Variants in PXK observed in about 807,000 individuals in gnomAD.
The protein encoded by PXK is PX domain-containing protein kinase-like protein.
In PXK, 35 loss-of-function variants were observed where a neutral mutation model predicts 84.7. That is an observed-to-expected ratio of 0.41 (90% CI 0.32 to 0.55). PXK has a LOEUF of 0.55. Ranked by LOEUF, PXK falls within the 20% of genes least tolerant of loss-of-function variation. The pLI, the probability that PXK is intolerant of heterozygous loss-of-function variation, is 0.21. For missense variants in PXK, 634 were observed against 699.7 expected, an observed-to-expected ratio of 0.91 and a Z score of 1.06; for synonymous variants, 253 against 260.8, an observed-to-expected ratio of 0.97 and a Z score of 0.29.
chr3:58,407,706 A>G lies in PXK; in HGVS notation c.1231-1218A>G, dbSNP rs1448923383. Among the ~76,000 whole-genome samples the G allele has an allele frequency of 6.6e-6, 1 of 151,956 alleles. No individual in the cohort carries two copies. Among genetic ancestry groups the G allele is most frequent in the Non-Finnish European group, 1.5e-5 (1 of 67,970 alleles). On this transcript the variant is annotated intron_variant, in intron 13 of 17. Coordinates refer to ENST00000356151, the MANE Select transcript of PXK (RefSeq NM_017771.5). This position sits in a 1 kb window ranked among gnomAD's most constrained non-coding sequence, Gnocchi z 4.3. ...CCTCCCAAGTAGATTACAGGCGTGC[A>G]CCACCACACCTGGCTAATTTTTGTA...
In PXK at chr3:58,378,492, C is replaced by CTT. The variant is rs1159247642; in HGVS notation, c.202-4002_202-4001dup. Among the ~76,000 whole-genome samples, 83 of 24,314 alleles carry CTT rather than the reference C, an allele frequency of 3.4e-3. 10 individuals are homozygous for CTT. The highest frequency in any genetic ancestry group is 5.3e-3 in the African/African-American group (38 of 7,142). 16.0% of individuals were successfully genotyped at this position (24,314 alleles called of 152,430 possible). On this transcript the variant is annotated intron_variant, in intron 3 of 17. Coordinates refer to ENST00000356151, the MANE Select transcript of PXK (RefSeq NM_017771.5). ...ATTGGATTTGGACTTCATTTTTCTT[C>CTT]TTTTTTTTTTTTTTTTTTTTTGTGT...
At position 58,383,325 on chromosome 3, in the gene PXK, T is replaced by C. The variant is rs1387867893; in HGVS notation, c.388+625T>C. 6.6e-6 allele frequency among the ~76,000 whole-genome samples: 1 copy of C among 152,136 alleles called. No individual in the cohort carries two copies. On this transcript the variant is annotated intron_variant, in intron 4 of 17. Transcript: ENST00000356151. This position sits in a 1 kb window ranked among gnomAD's most constrained non-coding sequence, Gnocchi z 4.0. ...AATAATAATAATAATTAATCCACAA[T>C]AACGCATACAGTAATTTTTATATTA...
At chr3:58,362,038 G>C (rs2098196402) in intron 1 of PXK, among the ~76,000 whole-genome samples, 1 of 152,156 alleles carries the variant, frequency 6.6e-6, no homozygotes, top group Non-Finnish European at 1.5e-5. Context: ...AAGCCATTCT[G>C]ATAGGTGTAT....
At position 58,370,844 on chromosome 3, in the gene PXK, C is replaced by A. The variant is rs2098358218; in HGVS notation, c.201+1366C>A. 6.6e-6 allele frequency among the ~76,000 whole-genome samples: 1 copy of A among 151,294 alleles called. No homozygotes were observed. The highest frequency in any genetic ancestry group is 1.5e-5 in the Non-Finnish European group (1 of 67,692). Reference sequence around the variant, plus strand: ...CGAAACCCTGTCTCTACTAAAAATACAAAAATTAGCTGGGTGTGGTGTGGG... The same window carrying A: ...CGAAACCCTGTCTCTACTAAAAATAAAAAAATTAGCTGGGTGTGGTGTGGG... On this transcript the variant is annotated intron_variant, in intron 3 of 17. Transcript: ENST00000356151. This position sits in a 1 kb window ranked among gnomAD's most constrained non-coding sequence, Gnocchi z 4.2.
At position 58,366,196 on chromosome 3, in the gene PXK, C is replaced by A. The variant is rs564641587; in HGVS notation, c.153+272C>A. Reference sequence around the variant, plus strand: ...CTCAACCCAGGGCAAATAGTGTATGCAAATTACTTGTTTTCTTTCTAGAAA... The same window carrying A: ...CTCAACCCAGGGCAAATAGTGTATGAAAATTACTTGTTTTCTTTCTAGAAA... On this transcript the variant is annotated intron_variant, in intron 2 of 17. Transcript: ENST00000356151. 1.0e-3 allele frequency among the ~76,000 whole-genome samples: 157 copies of A among 152,226 alleles called. 1 individual carries two copies. Among genetic ancestry groups the A allele is most frequent in the Non-Finnish European group, 1.1e-3 (75 of 68,002 alleles).
At chr3:58,372,334 T>C (rs2098385382) in intron 3 of PXK, among the ~76,000 whole-genome samples, 1 of 152,152 alleles carries the variant, frequency 6.6e-6, no homozygotes, top group Non-Finnish European at 1.5e-5. Flanking sequence ...CTTTTTCTTT[T>C]TTTTTTGAGA....
At position 58,411,294 on chromosome 3, in the gene PXK, A is replaced by G. The variant is rs2060165056; in HGVS notation, c.1465+1135A>G. The stretch of plus-strand genomic sequence containing the variant: ...TGGAGATTGGCAGCCCTGAATAGAG[A>G]AAGCCCATAAACTCCAGAAGGAGAG... On this transcript the variant is annotated intron_variant, in intron 16 of 17. Transcript: ENST00000356151. This position sits in a 1 kb window ranked among gnomAD's most constrained non-coding sequence, Gnocchi z 4.2. Among the ~76,000 whole-genome samples, 1 of 152,162 alleles carries G rather than the reference A, an allele frequency of 6.6e-6. No individual in the cohort carries two copies. The highest frequency in any genetic ancestry group is 6.5e-5 in the Admixed American group (1 of 15,278).
intron 1 of PXK, among the ~76,000 whole-genome samples, chr3:58,338,311 CG>C (rs1410959578): frequency 7.5e-6 from 1 of 133,164 alleles, no homozygotes; most frequent in African/African-American, 3.0e-5. Context: ...TTGCACTCTC[CG>C]TCTCAAAAAA....
intron 7 of PXK, among the ~76,000 whole-genome samples, chr3:58,393,641 T>C (rs1442801300): frequency 6.6e-6 from 1 of 152,128 alleles, no homozygotes; most frequent in Non-Finnish European, 1.5e-5. Context: ...GCTCTTATTT[T>C]TTAAAAAAGA....
chr3:58,417,734 A>C (rs2061204658), intron 17 of PXK, among the ~76,000 whole-genome samples: 1 of 152,222 alleles, frequency 6.6e-6, no homozygotes, highest in Non-Finnish European at 1.5e-5. Context: ...AGTATCACCA[A>C]CTAGTATTTA....
rs1313692671 is a variant in PXK, at chr3:58,407,005, T to C, written c.1231-1919T>C. The stretch of plus-strand genomic sequence containing the variant: ...GCTTTTACCTCTTGTCTGTCATGAA[T>C]AATGCTGCAGTGAACATGGGTGTGC... On this transcript the variant is annotated intron_variant, in intron 13 of 17. Coordinates refer to ENST00000356151, the MANE Select transcript of PXK (RefSeq NM_017771.5). The surrounding 1 kb of genome is among the most constrained non-coding windows in gnomAD (Gnocchi z 4.3). 6.6e-6 allele frequency among the ~76,000 whole-genome samples: 1 copy of C among 152,254 alleles called. No homozygotes were observed. The highest frequency in any genetic ancestry group is 2.4e-5 in the African/African-American group (1 of 41,468).
At chr3:58,405,635 C>A (rs1469742449) in intron 13 of PXK, among the ~76,000 whole-genome samples, 1 of 149,848 alleles carries the variant, frequency 6.7e-6, no homozygotes, top group Admixed American at 6.7e-5. Flanking sequence ...ACTGAGAGCA[C>A]ACCACTGCAC....
chr3:58,364,935 A>G lies in PXK; in HGVS notation c.103-939A>G, dbSNP rs1389300815. On this transcript the variant is annotated intron_variant, in intron 1 of 17. Coordinates refer to ENST00000356151, the MANE Select transcript of PXK (RefSeq NM_017771.5). The surrounding 1 kb of genome is among the most constrained non-coding windows in gnomAD (Gnocchi z 4.3). ...TACATGTCTTATCTTTATTTTGTCC[A>G]TTTTTGTCAATTTTATTGGTCTTTT... Among the ~76,000 whole-genome samples, 3 of 151,708 alleles carry G rather than the reference A, an allele frequency of 2.0e-5. No homozygotes were observed. The highest frequency in any genetic ancestry group is 4.4e-5 in the Non-Finnish European group (3 of 67,964).
intron 3 of PXK, 48 bp from the exon 4 acceptor site, chr3:58,382,466 C>A: frequency 7.1e-7 from 1 of 1,402,684 alleles, no homozygotes; most frequent in South Asian, 1.6e-5. Context: ...TGTGTTGATT[C>A]TTATTTGTGG....
rs1480023453 is a variant in PXK, at chr3:58,338,487, G to T, written c.102+5397G>T. Among the ~76,000 whole-genome samples the T allele has an allele frequency of 2.0e-5, 3 of 151,702 alleles. No homozygotes were observed. The East Asian group carries it at 5.9e-4, about 30-fold the overall frequency. On this transcript the variant is annotated intron_variant, in intron 1 of 17. Coordinates refer to ENST00000356151, the MANE Select transcript of PXK (RefSeq NM_017771.5). ...AAAATACAAAAATTAGCTGGGCATG[G>T]TGGGGTGTGCCTGTAATCCCAGCTA...
rs1051462538 is a variant in PXK, at chr3:58,398,338, G to A, written c.1102+616G>A. On this transcript the variant is annotated intron_variant, in intron 11 of 17. Coordinates refer to ENST00000356151, the MANE Select transcript of PXK (RefSeq NM_017771.5). This position sits in a 1 kb window ranked among gnomAD's most constrained non-coding sequence, Gnocchi z 4.5. ...ATTGCTTGAACCCGCCTCTTGGGAG[G>A]TGGAGGTTGCAGTGAGCCGAGATTG... Among the ~76,000 whole-genome samples, 1 of 152,210 alleles carries A rather than the reference G, an allele frequency of 6.6e-6. No homozygotes were observed. The highest frequency in any genetic ancestry group is 2.4e-5 in the African/African-American group (1 of 41,454).
chr3:58,363,238 G>A (rs750819904), intron 1 of PXK, among the ~76,000 whole-genome samples: 1 of 152,004 alleles, frequency 6.6e-6, no homozygotes, highest in Non-Finnish European at 1.5e-5. Context: ...ATTGTAAATG[G>A]TATTGTATTT....
At chr3:58,362,636 G>A (rs1576024791) in intron 1 of PXK, among the ~76,000 whole-genome samples, 1 of 152,226 alleles carries the variant, frequency 6.6e-6, no homozygotes, top group South Asian at 2.1e-4. Context: ...TGACGTATAT[G>A]TTTATGCCTC....
Position 58,416,819 on chromosome 3 carries a change from C to T in PXK, c.1528+3856C>T, listed in dbSNP as rs1190095290. 6.6e-6 allele frequency among the ~76,000 whole-genome samples: 1 copy of T among 152,122 alleles called. No homozygotes were observed. Among genetic ancestry groups the T allele is most frequent in the African/African-American group, 2.4e-5 (1 of 41,424 alleles). ...TGTATTTTTGATAGAGATGGGGTTT[C>T]ACTACGTTGGCCAGGCTGGTCTTGA... On this transcript the variant is annotated intron_variant, in intron 17 of 17. Transcript: ENST00000356151. The surrounding 1 kb of genome is among the most constrained non-coding windows in gnomAD (Gnocchi z 4.8).
Sources: gnomAD v4.1 joint callset for allele counts (sites outside exome capture counted in the v4.1 genomes callset) on GRCh38, gnomAD v4.1.1 for gene constraint, Gnocchi (gnomAD v3.1) non-coding constraint, MANE v1.5 for transcripts, NCBI Gene and HGNC (gene_info 2026-07-23, HGNC 2026-07-21) for gene names.